The following HNRNPF variants were observed in gnomAD, a reference collection of about 807,000 sequenced individuals.
HNRNPF encodes heterogeneous nuclear ribonucleoprotein F.
In HNRNPF, 2 loss-of-function variants were observed where a neutral mutation model predicts 26.0. The observed-to-expected ratio is 0.08, with a 90% CI of 0.03 to 0.24. HNRNPF has a LOEUF of 0.24. Among genes scored for constraint, HNRNPF ranks in the 10% least tolerant of loss-of-function variants. The probability of loss-of-function intolerance (pLI) is 1.00; values close to 1 mark genes in which losing one functional copy is unlikely to be tolerated. For missense variants in HNRNPF, 299 were observed against 539.2 expected (o/e 0.55, Z 4.41); for synonymous variants, 234 against 211.5 (o/e 1.11, Z -0.92).
rs776725829 is a variant in HNRNPF, at chr10:43,387,396, C to T, written c.489G>A (p.Glu163=). Residue 163 remains glutamate, a synonymous_variant, in exon 4 of 4, where the codon GAG becomes GAA. Coordinates refer to ENST00000682386, the MANE Select transcript of HNRNPF (RefSeq NM_001098204.2). This position sits in a 1 kb window ranked among gnomAD's most constrained non-coding sequence, Gnocchi z 6.0. The part of the protein sequence containing the change: ...GEAFVQFASQ[E]LAEKALGKHK... ...GTTTCCCTAGAGCCTTCTCAGCTAA[C>T]TCCTGCGAGGCAAACTGCACGAACG... The T allele has an allele frequency of 6.2e-7, 1 of 1,614,256 alleles. No homozygotes were observed. The highest frequency in any genetic ancestry group is 1.7e-5 in the Admixed American group (1 of 60,034).
intron 1 of HNRNPF, chr10:43,408,839 T>C (rs989530520): frequency 7.2e-5 from 11 of 152,344 alleles, no homozygotes; most frequent in African/African-American, 2.7e-4. Flanking sequence ...GCAGAGGCAG[T>C]TGAGGCTTGT....
rs143482944 is a variant in HNRNPF, at chr10:43,388,938, G to A, written c.-52-1002C>T. Among the ~76,000 whole-genome samples the A allele has an allele frequency of 1.9e-3, 294 of 151,174 alleles. 4 individuals are homozygous for A. The highest frequency in any genetic ancestry group is 2.8e-4 in the Non-Finnish European group (19 of 67,888). On this transcript the variant is annotated intron_variant, in intron 3 of 3. Transcript: ENST00000682386. ...TTATATGAACACTGTCAAGGGTGAC[G>A]CTCAAAAAGAGCATAGGAGTATATG...
At chr10:43,408,335 G>C (rs571852135) in intron 1 of HNRNPF, among the ~76,000 whole-genome samples, 2 of 152,284 alleles carry the variant, frequency 1.3e-5, no homozygotes, top group Non-Finnish European at 2.9e-5. Context: ...TGGGACCACT[G>C]TCTGGGCGTG....
In HNRNPF at chr10:43,398,344, G is replaced by GTTT. The variant is rs71533061; in HGVS notation, c.-246-1757_-246-1755dup. On this transcript the variant is annotated intron_variant, in intron 1 of 3. Transcript: ENST00000682386. ...GGCCTGTTTGGAGTTTGTTGTTGTT[G>GTTT]TTTTTTTTTTTTTTTGAGAGACAGT... Among the ~76,000 whole-genome samples, 289 of 125,458 alleles carry GTTT rather than the reference G, an allele frequency of 2.3e-3. 3 individuals carry two copies. Among genetic ancestry groups the GTTT allele is most frequent in the Middle Eastern group, 0.011 (2 of 186 alleles). 82.3% of individuals were successfully genotyped at this position (125,458 alleles called of 152,430 possible).
rs1838039621 is a variant in HNRNPF, at chr10:43,386,714, C to T, written c.1171G>A (p.Gly391Ser). Residue 391 changes from glycine (G) to serine (S), a missense_variant, in exon 4 of 4, where the codon GGC (glycine) becomes AGC (serine). Gly to Ser is a moderately conservative substitution (Grantham distance 56). Coordinates refer to ENST00000682386, the MANE Select transcript of HNRNPF (RefSeq NM_001098204.2). ...GVSAAQATYS[G>S]LESQSVSGCY... ...CCACTCACTGACTGGCTCTCCAGGC[C>T]ACTGTAAGTGGCCTGGGCAGCAGAC... 3 of 1,613,800 alleles carry T rather than the reference C, an allele frequency of 1.9e-6. No individual in the cohort carries two copies. Among genetic ancestry groups the T allele is most frequent in the African/African-American group, 1.3e-5 (1 of 74,886 alleles).
chr10:43,390,016 A>G (rs553482280), intron 3 of HNRNPF, among the ~76,000 whole-genome samples: 5 of 152,324 alleles, frequency 3.3e-5, no homozygotes, highest in African/African-American at 1.2e-4. Context: ...CCTGGGGTTT[A>G]GCCTCCACCT....
chr10:43,395,337 C>A (rs1838440985), intron 2 of HNRNPF, among the ~76,000 whole-genome samples: 1 of 152,176 alleles, frequency 6.6e-6, no homozygotes, highest in South Asian at 2.1e-4. Context: ...TGGGTAACTT[C>A]TTTGAAATAT....
chr10:43,388,157 G>A (rs1266353548), intron 3 of HNRNPF, among the ~76,000 whole-genome samples: 1 of 152,120 alleles, frequency 6.6e-6, no homozygotes, highest in African/African-American at 2.4e-5. Flanking sequence ...GTGGTGCCTT[G>A]AACACAGAGA....
At chr10:43,399,556 G>A (rs1262830893) in intron 1 of HNRNPF, among the ~76,000 whole-genome samples, 1 of 152,176 alleles carries the variant, frequency 6.6e-6, no homozygotes, top group Non-Finnish European at 1.5e-5. Context: ...AAGGCCAGTG[G>A]GAAGGCATTT....
chr10:43,395,459 G>A (rs1238346312), intron 2 of HNRNPF, among the ~76,000 whole-genome samples: 1 of 152,148 alleles, frequency 6.6e-6, no homozygotes, highest in Non-Finnish European at 1.5e-5. Flanking sequence ...GAACTAAGCT[G>A]CTTGAGTTTT....
chr10:43,403,777 T>C (rs1838826048), intron 1 of HNRNPF, among the ~76,000 whole-genome samples: 1 of 151,338 alleles, frequency 6.6e-6, no homozygotes, highest in African/African-American at 2.4e-5. Context: ...GGTGGGCAGA[T>C]CACTTGAGCT....
Position 43,387,222 on chromosome 10 carries a change from G to C in HNRNPF, c.663C>G (p.Gly221=). 1 of 1,614,206 alleles carries C rather than the reference G, an allele frequency of 6.2e-7. No individual in the cohort carries two copies. Among genetic ancestry groups the C allele is most frequent in the Non-Finnish European group, 8.5e-7 (1 of 1,180,028 alleles). ...DRPGTARRYI[G]IVKQAGLERM... ...TTTCCAGGCCTGCCTGCTTCACGAT[G>C]CCAATGTACCTCCTGGCAGTCCCGG... is the stretch of plus-strand genomic sequence containing the variant. Residue 221 remains glycine, a synonymous_variant, in exon 4 of 4, where the codon GGC becomes GGG. Coordinates refer to ENST00000682386, the MANE Select transcript of HNRNPF (RefSeq NM_001098204.2). This position sits in a 1 kb window ranked among gnomAD's most constrained non-coding sequence, Gnocchi z 6.0.
chr10:43,405,980 C>T (rs866044169), intron 1 of HNRNPF, among the ~76,000 whole-genome samples: 1 of 152,076 alleles, frequency 6.6e-6, no homozygotes, highest in Middle Eastern at 3.4e-3. Context: ...GGACTGGGTC[C>T]CAAGTCCCAA....
rs1470585237 is a variant in HNRNPF, at chr10:43,409,159, T to A, written c.-275A>T. On this transcript the variant is annotated 5_prime_UTR_variant, in exon 1 of 4. Transcript: ENST00000682386. Reference sequence around the variant, plus strand: ...GAGGAAGACGCGGCGCAGTCCTGCTTCCACGACGGAGCCGGAAGGACGCAA... The same window carrying A: ...GAGGAAGACGCGGCGCAGTCCTGCTACCACGACGGAGCCGGAAGGACGCAA... The A allele has an allele frequency of 6.6e-6, 1 of 152,470 alleles. No homozygotes were observed. The highest frequency in any genetic ancestry group is 6.5e-5 in the Admixed American group (1 of 15,290). 9.4% of individuals were successfully genotyped at this position (152,470 alleles called of 1,614,324 possible).
intron 1 of HNRNPF, among the ~76,000 whole-genome samples, chr10:43,400,488 A>G (rs904395248): frequency 6.6e-6 from 1 of 152,176 alleles, no homozygotes; most frequent in Non-Finnish European, 1.5e-5. Flanking sequence ...ATAGTATGTG[A>G]GCAGATCATA....
At chr10:43,395,930 C>T (rs76889847) in intron 2 of HNRNPF, among the ~76,000 whole-genome samples, 7,480 of 152,246 alleles carry the variant, frequency 0.049, 261 homozygotes, top group South Asian at 0.12. Flanking sequence ...CTGGTCTCCC[C>T]GTCCGCAGCG....
chr10:43,408,924 G>C (rs997473432), intron 1 of HNRNPF: 3 of 152,330 alleles, frequency 2.0e-5, no homozygotes, highest in East Asian at 1.9e-4. Context: ...GCGCGCTGCC[G>C]GCCCCAATCC....
At chr10:43,393,593 T>C (rs961936811) in intron 3 of HNRNPF, among the ~76,000 whole-genome samples, 1 of 139,758 alleles carries the variant, frequency 7.2e-6, no homozygotes, top group East Asian at 2.1e-4. Flanking sequence ...CAAAACTCCA[T>C]CTCAAAAAAA....
At chr10:43,388,211 A>T (rs961937831) in intron 3 of HNRNPF, among the ~76,000 whole-genome samples, 1 of 152,188 alleles carries the variant, frequency 6.6e-6, no homozygotes, top group Non-Finnish European at 1.5e-5. Context: ...TTTCCTTGTT[A>T]TATTTATTCC....
Sources: gnomAD v4.1 joint callset for allele counts (sites outside exome capture counted in the v4.1 genomes callset) on GRCh38, gnomAD v4.1.1 for gene constraint, Gnocchi (gnomAD v3.1) non-coding constraint, MANE v1.5 for transcripts, NCBI Gene and HGNC (gene_info 2026-07-23, HGNC 2026-07-21) for gene names.